CELF2: variants seen among roughly 807,000 people sequenced by gnomAD.
The protein encoded by CELF2 is CUGBP Elav-like family member 2, also known as CUG triplet repeat RNA-binding protein 2.
Under a neutral mutation model 62.6 loss-of-function variants are expected in CELF2, and 8 were observed. The ratio of observed to expected loss-of-function variants is 0.13; its 90% confidence interval spans 0.07 to 0.23. The LOEUF (loss-of-function observed/expected upper bound fraction) is 0.23, where lower values mean the gene tolerates loss of function less well. Ranked by LOEUF, CELF2 falls within the 10% of genes least tolerant of loss-of-function variation. CELF2 has a pLI of 1.00. For missense variants in CELF2, 333 were observed against 671.0 expected, an observed-to-expected ratio of 0.50 and a Z score of 5.56; for synonymous variants, 258 against 250.0, an observed-to-expected ratio of 1.03 and a Z score of -0.30.
chr10:10,908,988 C>T (rs2063579175), intron 1 of CELF2, among the ~76,000 whole-genome samples: 1 of 152,134 alleles, frequency 6.6e-6, no homozygotes, highest in Admixed American at 6.5e-5. Context: ...AGGGTTTTGC[C>T]ATGTTGGTCA....
upstream of CELF2, among the ~76,000 whole-genome samples, chr10:10,797,842 G>A (rs560467879): frequency 2.6e-5 from 4 of 152,276 alleles, no homozygotes; most frequent in East Asian, 7.7e-4. Context: ...AACCCATACG[G>A]GGCGAAGGGA....
At chr10:11,209,193 C>T (rs1275035147) in intron 2 of CELF2, among the ~76,000 whole-genome samples, 1 of 152,126 alleles carries the variant, frequency 6.6e-6, no homozygotes, top group East Asian at 1.9e-4. Flanking sequence ...AAATTACAGG[C>T]AGGAATACGT....
intron 1 of CELF2, among the ~76,000 whole-genome samples, chr10:10,860,776 G>A (rs1438301366): frequency 6.6e-6 from 1 of 152,184 alleles, no homozygotes; most frequent in Non-Finnish European, 1.5e-5. Flanking sequence ...ATTGGTTACA[G>A]CTATGAGTTT....
At chr10:10,744,011 C>G in the CELF2 span, among the ~76,000 whole-genome samples, 1 of 152,102 alleles carries the variant, frequency 6.6e-6, no homozygotes, top group Non-Finnish European at 1.5e-5. Flanking sequence ...GTGTTCTACC[C>G]AGATTTTTTT....
At position 11,178,863 on chromosome 10, in the gene CELF2, T is replaced by C. The variant is rs2072231009; in HGVS notation, c.271+13181T>C. Among the ~76,000 whole-genome samples the C allele has an allele frequency of 6.6e-6, 1 of 152,214 alleles. No individual in the cohort carries two copies. Among genetic ancestry groups the C allele is most frequent in the Non-Finnish European group, 1.5e-5 (1 of 68,044 alleles). On this transcript the variant is annotated intron_variant, in intron 2 of 12. Coordinates refer to ENST00000633077, the MANE Select transcript of CELF2 (RefSeq NM_001326342.2). The surrounding 1 kb of genome is among the most constrained non-coding windows in gnomAD (Gnocchi z 4.3). ...GTCGGGCTGCCCTAGCAACACAGAA[T>C]GCTGTGCTGACACATACTCCATCAC...
At chr10:11,193,717 T>C (rs2056640789) in intron 2 of CELF2, among the ~76,000 whole-genome samples, 1 of 152,228 alleles carries the variant, frequency 6.6e-6, no homozygotes, top group Non-Finnish European at 1.5e-5. Context: ...AACATAATAA[T>C]GCAGGTTTAA....
At chr10:10,855,352 G>A (rs2132943104) in intron 1 of CELF2, among the ~76,000 whole-genome samples, 1 of 152,280 alleles carries the variant, frequency 6.6e-6, no homozygotes, top group East Asian at 1.9e-4. Context: ...CCTAGGATGG[G>A]CTTCCTGCAG....
chr10:10,599,835 C>T, the CELF2 span, among the ~76,000 whole-genome samples: 1 of 151,308 alleles, frequency 6.6e-6, no homozygotes, highest in Admixed American at 6.6e-5. Context: ...GGGTTCACGC[C>T]ATTCTCCTGC....
chr10:10,857,649 G>GTACATATA (rs2059804441), intron 1 of CELF2, among the ~76,000 whole-genome samples: 2 of 94,258 alleles, frequency 2.1e-5, no homozygotes, highest in African/African-American at 9.4e-5. Flanking sequence ...CATATATATA[G>GTACATATA]TATATATATA....
At chr10:10,648,987 C>G in the CELF2 span, among the ~76,000 whole-genome samples, 1 of 152,172 alleles carries the variant, frequency 6.6e-6, no homozygotes, top group East Asian at 1.9e-4. Context: ...GTGTTGCTCA[C>G]CTTTCCTTAT....
chr10:11,211,815 T>A lies in CELF2; in HGVS notation c.272-5610T>A, dbSNP rs28460005. The stretch of plus-strand genomic sequence containing the variant: ...GTGAGAGAGAGAGAGAGAGAGAGAG[T>A]GTGTGTGTGTGTGTGTGTGTGTGTG... On this transcript the variant is annotated intron_variant, in intron 2 of 12. Coordinates refer to ENST00000633077, the MANE Select transcript of CELF2 (RefSeq NM_001326342.2). This position sits in a 1 kb window ranked among gnomAD's most constrained non-coding sequence, Gnocchi z 4.8. 0.15 allele frequency among the ~76,000 whole-genome samples: 5,397 copies of A among 36,398 alleles called. 152 individuals are homozygous for A. The highest frequency in any genetic ancestry group is 0.42 in the East Asian group (660 of 1,590). 23.9% of individuals were successfully genotyped at this position (36,398 alleles called of 152,430 possible).
chr10:10,709,731 G>T, the CELF2 span, among the ~76,000 whole-genome samples: 2 of 152,314 alleles, frequency 1.3e-5, no homozygotes, highest in African/African-American at 4.8e-5. Flanking sequence ...GTCCAAAAAA[G>T]ACAACTTGTC....
intron 1 of CELF2, among the ~76,000 whole-genome samples, chr10:10,804,906 G>A (rs1331409381): frequency 6.6e-6 from 1 of 152,164 alleles, no homozygotes; most frequent in African/African-American, 2.4e-5. Context: ...GGAATGTCAT[G>A]TGTGGATACC....
chr10:11,078,956 A>C (rs774991297), intron 1 of CELF2, among the ~76,000 whole-genome samples: 3 of 152,214 alleles, frequency 2.0e-5, no homozygotes, highest in African/African-American at 4.8e-5. Context: ...GATTTGTTTT[A>C]CAATTGATTA....
intron 1 of CELF2, among the ~76,000 whole-genome samples, chr10:11,041,962 T>C (rs539082820): frequency 8.5e-5 from 13 of 152,354 alleles, no homozygotes; most frequent in South Asian, 8.3e-4. Flanking sequence ...ACTAAAATTA[T>C]ATATTATGAT....
the CELF2 span, among the ~76,000 whole-genome samples, chr10:10,792,103 C>T: frequency 2.4e-5 from 3 of 126,724 alleles, no homozygotes; most frequent in Admixed American, 7.8e-5. Flanking sequence ...AGAGGTTCCT[C>T]ACCACAGTGG....
chr10:11,050,047 A>G lies in CELF2; in HGVS notation c.74+31884A>G, dbSNP rs539143596. On this transcript the variant is annotated intron_variant, in intron 1 of 12. Transcript: ENST00000633077. ...GGGCCTTCTGGGGCAGGCAGTATTT[A>G]TGATAAATAGTTTCATCAGGATGTG... 7.8e-4 allele frequency among the ~76,000 whole-genome samples: 119 copies of G among 152,268 alleles called. 2 individuals are homozygous for G. The highest frequency in any genetic ancestry group is 1.5e-3 in the Non-Finnish European group (101 of 68,026).
the CELF2 span, among the ~76,000 whole-genome samples, chr10:10,618,514 A>G: frequency 1.3e-5 from 2 of 152,070 alleles, no homozygotes; most frequent in African/African-American, 2.4e-5. Flanking sequence ...ATTGAGTTCA[A>G]TGATCATACT....
intron 1 of CELF2, among the ~76,000 whole-genome samples, chr10:10,813,453 T>G (rs1391948939): frequency 6.6e-6 from 1 of 152,236 alleles, no homozygotes; most frequent in Admixed American, 6.5e-5. Context: ...CATTTGATCA[T>G]ATTTCCTGGT....
Sources: allele counts gnomAD v4.1 joint callset (sites outside exome capture counted in the v4.1 genomes callset), GRCh38; gene constraint gnomAD v4.1.1; non-coding constraint Gnocchi (gnomAD v3.1); transcripts MANE v1.5; gene names NCBI Gene and HGNC (gene_info 2026-07-23, HGNC 2026-07-21).